The following NUMB variants were observed in gnomAD, a reference collection of about 807,000 sequenced individuals.
NUMB encodes protein numb homolog.
NUMB carries 29 observed loss-of-function variants against 59.7 expected under a neutral mutation model. That is an observed-to-expected ratio of 0.49 (90% confidence interval 0.36 to 0.66). The LOEUF (loss-of-function observed/expected upper bound fraction) is 0.66. Ranked by LOEUF, NUMB falls within the 30% of genes least tolerant of loss-of-function variation. The pLI, the probability that NUMB is intolerant of heterozygous loss-of-function variation, is 0.00. For synonymous variants in NUMB, 288 were observed against 288.2 expected (o/e 1.00, Z 0.01); for missense variants, 723 against 822.0 (o/e 0.88, Z 1.47).
At chr14:73,360,840 ATTTAT>A (rs146804007) in intron 3 of NUMB, among the ~76,000 whole-genome samples, 3,417 of 151,764 alleles carry the variant, frequency 0.023, 104 homozygotes, top group African/African-American at 0.069. Flanking sequence ...TTCCTTCACA[ATTTAT>A]TTTATTTTAT....
At chr14:73,333,779 T>C (rs957337020) in intron 4 of NUMB, among the ~76,000 whole-genome samples, 7 of 152,226 alleles carry the variant, frequency 4.6e-5, no homozygotes, top group Admixed American at 1.3e-4. Context: ...ATGCTTTTAA[T>C]GTCTTATTTA....
chr14:73,309,078 G>C (rs1182251951), intron 6 of NUMB, among the ~76,000 whole-genome samples: 1 of 151,980 alleles, frequency 6.6e-6, no homozygotes, highest in Non-Finnish European at 1.5e-5. Context: ...GAGGGGAGAG[G>C]GGGTAGCATT....
intron 2 of NUMB, among the ~76,000 whole-genome samples, chr14:73,398,485 T>C (rs1362294780): frequency 6.6e-6 from 1 of 150,996 alleles, no homozygotes; most frequent in African/African-American, 2.4e-5. Context: ...CCAAGGTTAA[T>C]AGCAATTATC....
At position 73,277,108 on chromosome 14, in the gene NUMB, A is replaced by C; in HGVS notation, c.1426T>G (p.Ser476Ala). 6.2e-7 allele frequency: 1 copy of C among 1,614,028 alleles called. No homozygotes were observed. The highest frequency in any genetic ancestry group is 8.5e-7 in the Non-Finnish European group (1 of 1,180,006). Residue 476 changes from serine (S) to alanine (A), a missense_variant, in exon 13 of 13, where the codon TCC becomes GCC. Ser to Ala is a moderately conservative substitution (Grantham distance 99). Transcript: ENST00000555238. ...VLQPPPPTAI[S>A]QPASPFQGNA... The stretch of plus-strand genomic sequence containing the variant: ...CCTTGGAAAGGTGATGCTGGCTGGG[A>C]GATGGCAGTGGGTGGAGGAGGCTGG...
intron 6 of NUMB, among the ~76,000 whole-genome samples, chr14:73,305,790 C>G (rs1389224976): frequency 6.6e-6 from 1 of 152,186 alleles, no homozygotes; most frequent in Non-Finnish European, 1.5e-5. Context: ...CAAAGGTTCC[C>G]AATGTGTAAA....
At position 73,415,553 on chromosome 14, in the gene NUMB, G is replaced by A. The variant is rs112342165; in HGVS notation, c.-232-5485C>T. 1.0e-2 allele frequency among the ~76,000 whole-genome samples: 1,413 copies of A among 141,416 alleles called. 28 individuals are homozygous for A. Among genetic ancestry groups the A allele is most frequent in the African/African-American group, 0.035 (1,332 of 37,954 alleles). The allele number at this position is 141,416 out of a possible 152,430, so 92.8% of individuals were successfully genotyped here. ...ATGGCCTTGGCTTACTGCAACCTCC[G>A]CCTCCCAGCTTCCAGCAATTCTCCT... On this transcript the variant is annotated intron_variant, in intron 1 of 12. Coordinates refer to ENST00000555238, the MANE Select transcript of NUMB (RefSeq NM_001005743.2).
intron 1 of NUMB, among the ~76,000 whole-genome samples, chr14:73,453,861 C>A (rs1166899593): frequency 2.0e-5 from 3 of 152,102 alleles, no homozygotes; most frequent in Non-Finnish European, 4.4e-5. Context: ...TCTGCCTCGG[C>A]CTCCCAAAGT....
intron 11 of NUMB, among the ~76,000 whole-genome samples, chr14:73,280,302 CCCT>C (rs1429978973): frequency 2.6e-5 from 4 of 152,076 alleles, no homozygotes; most frequent in Non-Finnish European, 5.9e-5. Flanking sequence ...GGTATTATCC[CCCT>C]ATTACAGATG....
At chr14:73,297,458 T>G in intron 6 of NUMB, 173 bp from the exon 7 acceptor site, 1 of 489,086 alleles carries the variant, frequency 2.0e-6, no homozygotes, top group Non-Finnish European at 3.6e-6. Context: ...GCAGAAACAT[T>G]CAGGAAAAAA....
intron 4 of NUMB, among the ~76,000 whole-genome samples, chr14:73,325,255 G>A (rs554740467): frequency 2.2e-4 from 34 of 152,210 alleles, no homozygotes; most frequent in African/African-American, 7.5e-4. Flanking sequence ...ATCATCTGAG[G>A]CCTGGAGTTC....
chr14:73,372,315 A>ATATATATATATATATAACCTTT (rs1555375689), intron 2 of NUMB, among the ~76,000 whole-genome samples: 67 of 105,364 alleles, frequency 6.4e-4, no homozygotes, highest in African/African-American at 2.1e-3. Context: ...TTATATATAT[A>ATATATATATATATATAACCTTT]TATATATATA....
chr14:73,454,544 A>C (rs1363443845), intron 1 of NUMB, among the ~76,000 whole-genome samples: 1 of 152,182 alleles, frequency 6.6e-6, no homozygotes, highest in Non-Finnish European at 1.5e-5. Flanking sequence ...AAAACAAGAC[A>C]AGGCTTCTCT....
intron 1 of NUMB, among the ~76,000 whole-genome samples, chr14:73,428,660 G>A (rs1897688117): frequency 6.6e-6 from 1 of 152,032 alleles, no homozygotes; most frequent in Admixed American, 6.6e-5. Flanking sequence ...GTATGGTGGT[G>A]CATGCCTGAG....
chr14:73,404,098 G>A (rs1355471119), intron 2 of NUMB, among the ~76,000 whole-genome samples: 3 of 149,342 alleles, frequency 2.0e-5, no homozygotes, highest in East Asian at 2.0e-4. Flanking sequence ...AAAGATTAGC[G>A]AGGCATGGTG....
At chr14:73,286,675 T>A (rs1889026497) in intron 9 of NUMB, 1 of 188,550 alleles carries the variant, frequency 5.3e-6, no homozygotes, top group Admixed American at 5.3e-5. Context: ...AATAATATCA[T>A]ATAAACAGTA....
rs1891493816 is a variant in NUMB at position 73,323,201 on chromosome 14, G to A, written c.130C>T (p.Leu44Phe). ...GATTCATCAACTTCTACATGGCCAA[G>A]GTACTGTAGAAAGAAGGAAAAGTTA... ...TGKCSFPVKY[L>F]GHVEVDESRG... Residue 44 changes from leucine to phenylalanine, a missense_variant, in exon 5 of 13, where the codon CTT becomes TTT. Transcript: ENST00000555238. 2.5e-6 allele frequency: 4 copies of A among 1,610,824 alleles called. No homozygotes were observed. The highest frequency in any genetic ancestry group is 1.7e-5 in the Admixed American group (1 of 59,882).
At chr14:73,320,461 G>A (rs554272496) in intron 5 of NUMB, among the ~76,000 whole-genome samples, 1 of 152,162 alleles carries the variant, frequency 6.6e-6, no homozygotes, top group South Asian at 2.1e-4. Context: ...TTGAACTCCT[G>A]GCTTTAAGCA....
intron 2 of NUMB, among the ~76,000 whole-genome samples, chr14:73,377,453 C>G (rs769931385): frequency 6.6e-6 from 1 of 151,960 alleles, no homozygotes; most frequent in African/African-American, 2.4e-5. Flanking sequence ...CCAGCCTGGC[C>G]AACATGATGA....
intron 1 of NUMB, among the ~76,000 whole-genome samples, chr14:73,422,687 G>T (rs75630909): frequency 4.6e-5 from 7 of 151,836 alleles, no homozygotes; most frequent in Admixed American, 3.3e-4. Flanking sequence ...GGGAAAGGGG[G>T]TGGGGACGTG....
Sources: gnomAD v4.1 joint callset for allele counts (sites outside exome capture counted in the v4.1 genomes callset) on GRCh38, gnomAD v4.1.1 for gene constraint, MANE v1.5 for transcripts, NCBI Gene and HGNC (gene_info 2026-07-23, HGNC 2026-07-21) for gene names.